DAPK2: variants seen among roughly 807,000 people sequenced by gnomAD.
DAPK2 encodes the protein death-associated protein kinase 2.
A neutral mutation model predicts 44.1 loss-of-function variants in DAPK2; 35 were observed. That is an observed-to-expected ratio of 0.79 (90% CI 0.61 to 1.05). DAPK2 has a LOEUF of 1.05. Ranked by LOEUF, DAPK2 falls within the 50% of genes least tolerant of loss-of-function variation. The pLI is 0.00. For synonymous variants in DAPK2, 174 were observed against 182.6 expected (o/e 0.95, Z 0.38); for missense variants, 453 against 483.2 (o/e 0.94, Z 0.59).
intron 4 of DAPK2, among the ~76,000 whole-genome samples, chr15:63,933,875 T>A (rs11630638): frequency 0.89 from 136,120 of 152,194 alleles, 61,768 homozygotes; most frequent in East Asian, 1. Context: ...GATTACAGGC[T>A]TGAGCCACCA....
chr15:63,927,178 G>A (rs2079313558), intron 6 of DAPK2, among the ~76,000 whole-genome samples: 1 of 152,146 alleles, frequency 6.6e-6, no homozygotes, highest in Non-Finnish European at 1.5e-5. Context: ...CCCACACTAA[G>A]GGCTCTGGAA....
chr15:63,914,594 T>C (rs1357145819), intron 8 of DAPK2, among the ~76,000 whole-genome samples: 1 of 152,098 alleles, frequency 6.6e-6, no homozygotes, highest in African/African-American at 2.4e-5. Context: ...CTCCAAGCCT[T>C]CCAGTGGCTT....
In DAPK2 at chr15:64,040,186, C is replaced by A. The variant is rs1384502271; in HGVS notation, c.76G>T (p.Gly26Ter). The A allele has an allele frequency of 6.2e-7, 1 of 1,613,946 alleles. No homozygotes were observed. The highest frequency in any genetic ancestry group is 2.2e-5 in the East Asian group (1 of 44,862). Residue 26 changes from glycine to a stop codon, truncating the protein, a stop_gained, in exon 1 of 11, where the codon GGA (glycine) becomes TGA (stop). Transcript: ENST00000261891. LOFTEE classifies it high-confidence loss of function. ...GTCTCCTACCTCCCCAGCTCCTCTC[C>A]GATGTCATAAAAGTCCTCCACCTTC... is the stretch of plus-strand genomic sequence containing the variant.
At chr15:64,042,537 G>A (rs536866575), upstream of DAPK2, among the ~76,000 whole-genome samples, 1 of 152,288 alleles carries the variant, frequency 6.6e-6, no homozygotes, top group African/African-American at 2.4e-5. The surrounding 1 kb of genome is among the most constrained non-coding windows in gnomAD (Gnocchi z 4.7). Context: ...TTTGCTGAGA[G>A]CAGGATTCAA....
intron 1 of DAPK2, among the ~76,000 whole-genome samples, chr15:64,031,524 T>A (rs745766827): frequency 6.6e-6 from 1 of 152,218 alleles, no homozygotes; most frequent in African/African-American, 2.4e-5. Context: ...TCAGCCACCA[T>A]GCCTGCCCCA....
intron 3 of DAPK2, among the ~76,000 whole-genome samples, chr15:63,940,803 A>G (rs941923880): frequency 3.9e-5 from 6 of 152,230 alleles, no homozygotes; most frequent in Non-Finnish European, 7.3e-5. Flanking sequence ...CCTTGAAAAC[A>G]TTTATGCTAA....
chr15:63,912,176 T>C lies in DAPK2; in HGVS notation c.880A>G (p.Met294Val), dbSNP rs1567197503. 2 of 1,579,374 alleles carry C rather than the reference T, an allele frequency of 1.3e-6. No individual in the cohort carries two copies. Among genetic ancestry groups the C allele is most frequent in the South Asian group, 2.2e-5 (2 of 90,464 alleles). The change falls in exon 9 of 11, where the codon ATG becomes GTG. Residue 294 changes from methionine (M) to valine (V), a missense_variant. Physicochemically the swap from Met to Val is conservative, Grantham distance 21 (BLOSUM62 1). Transcript: ENST00000261891. The surrounding 1 kb of genome is among the most constrained non-coding windows in gnomAD (Gnocchi z 4.4). ...TTGACCACAGACTCCCTGCGCACCATGGCTTGCTGGTTGTCCACCGGCTGA... is the reference window on the plus strand; with the variant it reads ...TTGACCACAGACTCCCTGCGCACCACGGCTTGCTGGTTGTCCACCGGCTGA...
At chr15:64,015,521 A>G (rs565619432) in intron 1 of DAPK2, among the ~76,000 whole-genome samples, 135 of 152,342 alleles carry the variant, frequency 8.9e-4, no homozygotes, top group African/African-American at 3.0e-3. Flanking sequence ...AGTGGGTTGA[A>G]TAGTGGCTCC....
At chr15:64,044,866 G>A (rs750033907), upstream of DAPK2, among the ~76,000 whole-genome samples, 2 of 152,280 alleles carry the variant, frequency 1.3e-5, no homozygotes, top group East Asian at 1.9e-4. Flanking sequence ...ACACACGACC[G>A]TCTCATTACA....
intron 3 of DAPK2, among the ~76,000 whole-genome samples, chr15:63,948,034 G>A (rs1159721110): frequency 6.6e-6 from 1 of 152,070 alleles, no homozygotes; most frequent in South Asian, 2.1e-4. Flanking sequence ...TTGGGAGGCC[G>A]AGGTGGGCAA....
At chr15:63,994,001 T>G (rs79180461) in intron 1 of DAPK2, among the ~76,000 whole-genome samples, 5,601 of 152,182 alleles carry the variant, frequency 0.037, 143 homozygotes, top group African/African-American at 0.071. Flanking sequence ...AACTAAATTT[T>G]CAAAGACAAA....
chr15:63,949,315 TCATGG>T, intron 3 of DAPK2, among the ~76,000 whole-genome samples: 1 of 152,308 alleles, frequency 6.6e-6, no homozygotes, highest in South Asian at 2.1e-4. Context: ...CTCTATACTC[TCATGG>T]GATAGAGGGA....
chr15:63,937,192 G>A (rs577514310), intron 4 of DAPK2, among the ~76,000 whole-genome samples: 2 of 152,256 alleles, frequency 1.3e-5, no homozygotes, highest in East Asian at 3.9e-4. Context: ...AGAGGTTGGA[G>A]AAGTCATCTT....
intron 3 of DAPK2, among the ~76,000 whole-genome samples, chr15:63,968,404 G>A (rs981893264): frequency 1.3e-5 from 2 of 152,202 alleles, no homozygotes; most frequent in Admixed American, 1.3e-4. Context: ...ACTGTTTCCA[G>A]GTAATGGAAA....
intron 8 of DAPK2, chr15:63,920,411 A>C (rs948586508): frequency 6.6e-6 from 1 of 151,866 alleles, no homozygotes; most frequent in African/African-American, 2.4e-5. Context: ...TTACCCTCTC[A>C]TTGAGGGCAT....
intron 1 of DAPK2, among the ~76,000 whole-genome samples, chr15:64,031,193 G>T (rs1381864006): frequency 2.0e-5 from 3 of 151,966 alleles, no homozygotes; most frequent in African/African-American, 7.3e-5. Context: ...TTCTGAAAGG[G>T]CAGGAAGTAC....
At chr15:63,950,222 C>T (rs1164987939) in intron 3 of DAPK2, among the ~76,000 whole-genome samples, 1 of 151,972 alleles carries the variant, frequency 6.6e-6, no homozygotes, top group Admixed American at 6.6e-5. Context: ...AAAGAGAAAA[C>T]AATTTTTTTT....
chr15:63,908,590 T>C lies in DAPK2; in HGVS notation c.1043A>G (p.Glu348Gly). ...GGCGATGTCCTCCTCAGTGTCACTC[T>C]CACAGTTCCTCTGGAGAAAAAAAAG... Residue 348 changes from glutamate (E) to glycine (G), a missense_variant, in exon 11 of 11, where the codon GAG (glutamate) becomes GGG (glycine). By Grantham distance (98) the Glu-to-Gly change is moderately conservative (BLOSUM62 -2). Coordinates refer to ENST00000261891, the Ensembl canonical transcript of DAPK2. This position sits in a 1 kb window ranked among gnomAD's most constrained non-coding sequence, Gnocchi z 5.7. 6.3e-7 allele frequency: 1 copy of C among 1,598,136 alleles called. No individual in the cohort carries two copies. The highest frequency in any genetic ancestry group is 8.5e-7 in the Non-Finnish European group (1 of 1,173,944).
intron 3 of DAPK2, among the ~76,000 whole-genome samples, chr15:63,967,359 C>A (rs1250260485): frequency 1.3e-5 from 2 of 152,072 alleles, no homozygotes; most frequent in Non-Finnish European, 2.9e-5. Context: ...GCTCTGTCTC[C>A]TGTTTTTACC....
Sources: gnomAD v4.1 joint callset for allele counts (sites outside exome capture counted in the v4.1 genomes callset) on GRCh38, gnomAD v4.1.1 for gene constraint, Gnocchi (gnomAD v3.1) non-coding constraint, MANE v1.5 for transcripts, NCBI Gene and HGNC (gene_info 2026-07-23, HGNC 2026-07-21) for gene names.